CCDC102B: variants seen among roughly 807,000 people sequenced by gnomAD.
CCDC102B encodes coiled-coil domain containing 102B.
CCDC102B carries 75 observed loss-of-function variants against 57.4 expected under a neutral mutation model. The ratio of observed to expected loss-of-function variants is 1.31; its 90% CI spans 1.08 to 1.58. The LOEUF is 1.58. Among genes scored for constraint, CCDC102B ranks in the 40% most tolerant of loss-of-function variants. CCDC102B has a pLI of 0.00. For missense variants in CCDC102B, 636 were observed against 582.6 expected (o/e 1.09, Z -0.94); for synonymous variants, 206 against 201.9 (o/e 1.02, Z -0.17).
chr18:68,999,198 A>C (rs1438591176), intron 6 of CCDC102B, among the ~76,000 whole-genome samples: 1 of 151,986 alleles, frequency 6.6e-6, no homozygotes, highest in Non-Finnish European at 1.5e-5. Flanking sequence ...TAAGTGGATA[A>C]AGAAACTGCA....
At chr18:68,786,182 A>G (rs1243524600) in intron 2 of CCDC102B, among the ~76,000 whole-genome samples, 7 of 151,002 alleles carry the variant, frequency 4.6e-5, no homozygotes, top group African/African-American at 1.2e-4. Flanking sequence ...TGTTCCATTG[A>G]TCTATATCTC....
intron 1 of CCDC102B, among the ~76,000 whole-genome samples, chr18:68,831,907 G>A (rs73460029): frequency 0.012 from 1,867 of 152,082 alleles, 39 homozygotes; most frequent in African/African-American, 0.043. Context: ...TGTTTGACAG[G>A]CCACATTTTA....
chr18:68,820,432 A>G (rs1442265627), intron 1 of CCDC102B, among the ~76,000 whole-genome samples: 1 of 152,118 alleles, frequency 6.6e-6, no homozygotes, highest in African/African-American at 2.4e-5. Flanking sequence ...ATTGTTTTAA[A>G]CACCAAATTT....
chr18:68,894,764 C>A (rs1460661746), intron 5 of CCDC102B, among the ~76,000 whole-genome samples: 1 of 150,918 alleles, frequency 6.6e-6, no homozygotes, highest in Non-Finnish European at 1.5e-5. Flanking sequence ...ATAAATCTGC[C>A]AATAGTAAAA....
intron 2 of CCDC102B, among the ~76,000 whole-genome samples, chr18:68,776,927 C>T (rs1380313788): frequency 6.6e-6 from 1 of 151,948 alleles, no homozygotes; most frequent in Admixed American, 6.6e-5. Flanking sequence ...TTTTTTCCCG[C>T]ATTTCACTCC....
At chr18:68,791,352 T>A (rs2035452383) in intron 2 of CCDC102B, among the ~76,000 whole-genome samples, 1 of 152,196 alleles carries the variant, frequency 6.6e-6, no homozygotes, top group Non-Finnish European at 1.5e-5. Context: ...ATCAGTATAG[T>A]GGATGTTGAG....
intron 7 of CCDC102B, among the ~76,000 whole-genome samples, chr18:69,012,269 G>T (rs1033953363): frequency 1.3e-5 from 2 of 152,142 alleles, no homozygotes; most frequent in Non-Finnish European, 2.9e-5. Context: ...AGTATTTGTT[G>T]TAGGGGGTGG....
intron 1 of CCDC102B, among the ~76,000 whole-genome samples, chr18:68,818,480 C>T (rs1177717497): frequency 1.3e-5 from 2 of 152,250 alleles, no homozygotes; most frequent in East Asian, 3.9e-4. Flanking sequence ...AGCCAATACC[C>T]AGATCAAGTA....
intron 2 of CCDC102B, among the ~76,000 whole-genome samples, chr18:68,759,160 C>G (rs1014709042): frequency 1.3e-5 from 2 of 151,284 alleles, no homozygotes; most frequent in African/African-American, 2.4e-5. Flanking sequence ...CAGAGTATAA[C>G]AAAGAAAGAA....
intron 2 of CCDC102B, among the ~76,000 whole-genome samples, chr18:68,765,136 A>G (rs2034385551): frequency 6.6e-6 from 1 of 150,608 alleles, no homozygotes. Context: ...AGTGGGGGGG[A>G]TTGCTTGAGC....
chr18:68,992,560 G>A (rs1018226278), intron 6 of CCDC102B, among the ~76,000 whole-genome samples: 1 of 152,146 alleles, frequency 6.6e-6, no homozygotes, highest in African/African-American at 2.4e-5. Flanking sequence ...GAGCCTATTA[G>A]ATATTTTGAA....
chr18:68,891,970 T>G (rs1258222102), intron 5 of CCDC102B, among the ~76,000 whole-genome samples: 1 of 152,170 alleles, frequency 6.6e-6, no homozygotes, highest in African/African-American at 2.4e-5. Flanking sequence ...ACAGGTGGGT[T>G]CTATGGGAGA....
chr18:68,960,532 G>A (rs1173968808), intron 6 of CCDC102B, among the ~76,000 whole-genome samples: 1 of 152,300 alleles, frequency 6.6e-6, no homozygotes, highest in African/African-American at 2.4e-5. Flanking sequence ...TCACGGAGTG[G>A]TGTGAACCTC....
chr18:68,967,247 T>A (rs1181234150), intron 6 of CCDC102B, among the ~76,000 whole-genome samples: 1 of 152,146 alleles, frequency 6.6e-6, no homozygotes, highest in African/African-American at 2.4e-5. Flanking sequence ...TGGTTCCCAA[T>A]GTTCACAAAT....
At chr18:68,855,768 C>G (rs1031234410) in intron 4 of CCDC102B, among the ~76,000 whole-genome samples, 9 of 152,156 alleles carry the variant, frequency 5.9e-5, no homozygotes, top group African/African-American at 2.2e-4. Context: ...GCTATGATAG[C>G]ACTTTTTTCT....
At chr18:69,036,893 A>G (rs1487995448) in intron 7 of CCDC102B, among the ~76,000 whole-genome samples, 5 of 152,066 alleles carry the variant, frequency 3.3e-5, no homozygotes, top group Admixed American at 3.3e-4. Flanking sequence ...GGAAGAAGGA[A>G]TAGTCAGTAC....
Position 68,850,871 on chromosome 18 carries a change from C to T in CCDC102B, c.936+4450C>T, listed in dbSNP as rs8092111. Among the ~76,000 whole-genome samples, 758 of 152,154 alleles carry T rather than the reference C, an allele frequency of 5.0e-3. 11 individuals carry two copies. The highest frequency in any genetic ancestry group is 0.015 in the African/African-American group (607 of 41,538). Reference sequence around the variant, plus strand: ...CCCCTCCTACACCAGCCACACCTTTCGATTAACCTCAGTTTATACATCACT... The same window carrying T: ...CCCCTCCTACACCAGCCACACCTTTTGATTAACCTCAGTTTATACATCACT... On this transcript the variant is annotated intron_variant, in intron 4 of 7. Coordinates refer to ENST00000360242, the MANE Select transcript of CCDC102B (RefSeq NM_024781.3).
At chr18:68,801,399 A>T (rs1468178808) in intron 1 of CCDC102B, among the ~76,000 whole-genome samples, 1 of 152,092 alleles carries the variant, frequency 6.6e-6, no homozygotes, top group Non-Finnish European at 1.5e-5. Context: ...TTTGCAAAGG[A>T]CTGTTAACAT....
At position 68,862,855 on chromosome 18, in the gene CCDC102B, C is replaced by T. The variant is rs560016000; in HGVS notation, c.937-11814C>T. Among the ~76,000 whole-genome samples, 4 of 152,066 alleles carry T rather than the reference C, an allele frequency of 2.6e-5. No individual in the cohort carries two copies. In the South Asian group the frequency reaches 6.2e-4, roughly 24 times the overall value. Reference sequence around the variant, plus strand: ...GAAAGAATACTATAATGAACCCCAACGTTTCCATCAGCCATAATTTAATCA... The same window carrying T: ...GAAAGAATACTATAATGAACCCCAATGTTTCCATCAGCCATAATTTAATCA... On this transcript the variant is annotated intron_variant, in intron 4 of 7. Transcript: ENST00000360242.
Sources: gnomAD v4.1 joint callset for allele counts (sites outside exome capture counted in the v4.1 genomes callset) on GRCh38, gnomAD v4.1.1 for gene constraint, MANE v1.5 for transcripts, NCBI Gene and HGNC (gene_info 2026-07-23, HGNC 2026-07-21) for gene names.